Variants in PRKG1 observed in about 807,000 individuals in gnomAD.
PRKG1 encodes the protein protein kinase cGMP-dependent 1.
In PRKG1, 35 loss-of-function variants were observed where a neutral mutation model predicts 88.1. The ratio of observed to expected loss-of-function variants is 0.40; its 90% CI spans 0.30 to 0.53. The LOEUF (loss-of-function observed/expected upper bound fraction) is 0.53. PRKG1 is among the 20% of genes least tolerant of loss of function. The probability of loss-of-function intolerance (pLI) is 0.59; values close to 1 mark genes in which losing one functional copy is unlikely to be tolerated. For synonymous variants in PRKG1, 303 were observed against 292.5 expected (o/e 1.04, Z -0.37); for missense variants, 540 against 839.8 (o/e 0.64, Z 4.41).
intron 4 of PRKG1, among the ~76,000 whole-genome samples, chr10:51,850,186 A>T (rs540441399): frequency 1.2e-4 from 19 of 152,212 alleles, no homozygotes; most frequent in Non-Finnish European, 2.4e-4. Context: ...CAATATATAT[A>T]TTTTTTTGAG....
chr10:51,827,997 A>G (rs1269251907), intron 4 of PRKG1, among the ~76,000 whole-genome samples: 1 of 152,182 alleles, frequency 6.6e-6, no homozygotes, highest in Non-Finnish European at 1.5e-5. Flanking sequence ...ACTGTGGACA[A>G]CTACTTTTCA....
intron 2 of PRKG1, among the ~76,000 whole-genome samples, chr10:51,279,134 C>T (rs1840218728): frequency 6.6e-6 from 1 of 152,150 alleles, no homozygotes; most frequent in African/African-American, 2.4e-5. Context: ...AAATGTGCCC[C>T]AGAGATTCTG....
At chr10:51,615,983 T>C (rs925395910) in intron 3 of PRKG1, among the ~76,000 whole-genome samples, 7 of 152,170 alleles carry the variant, frequency 4.6e-5, no homozygotes, top group African/African-American at 1.7e-4. Flanking sequence ...GGGCAGGACT[T>C]TTTCCTGAAA....
At chr10:52,104,685 T>C (rs558512700) in intron 7 of PRKG1, among the ~76,000 whole-genome samples, 38 of 152,328 alleles carry the variant, frequency 2.5e-4, no homozygotes, top group African/African-American at 8.7e-4. Context: ...TAAAAGATTT[T>C]CTGTCTTTAA....
At chr10:52,022,293 G>A (rs1407254665) in intron 5 of PRKG1, among the ~76,000 whole-genome samples, 2 of 152,248 alleles carry the variant, frequency 1.3e-5, no homozygotes, top group South Asian at 2.1e-4. Flanking sequence ...AACTTTTGTT[G>A]GGTTTCTTGG....
intron 2 of PRKG1, among the ~76,000 whole-genome samples, chr10:51,404,133 C>T (rs1454057436): frequency 3.3e-5 from 5 of 152,142 alleles, no homozygotes; most frequent in Admixed American, 2.6e-4. Flanking sequence ...TAGGAACGGC[C>T]CTGTAAGCAA....
intron 5 of PRKG1, among the ~76,000 whole-genome samples, chr10:51,964,710 T>A (rs1843526970): frequency 6.6e-6 from 1 of 152,174 alleles, no homozygotes; most frequent in South Asian, 2.1e-4. Context: ...AAAACTGAAC[T>A]GAAAAACCTT....
intron 7 of PRKG1, among the ~76,000 whole-genome samples, chr10:52,070,276 C>A (rs1185436163): frequency 6.6e-6 from 1 of 152,182 alleles, no homozygotes; most frequent in Non-Finnish European, 1.5e-5. Flanking sequence ...CTTGCCTACA[C>A]ATGAGTGAAT....
chr10:51,143,103 A>G (rs549574912), intron 1 of PRKG1, among the ~76,000 whole-genome samples: 1 of 152,200 alleles, frequency 6.6e-6, no homozygotes, highest in African/African-American at 2.4e-5. Flanking sequence ...GTAATTATGT[A>G]AACTGTGACC....
At chr10:51,661,188 A>G (rs1237397230) in intron 3 of PRKG1, among the ~76,000 whole-genome samples, 5 of 152,138 alleles carry the variant, frequency 3.3e-5, no homozygotes, top group African/African-American at 1.2e-4. Flanking sequence ...TTGGCACTCA[A>G]TAAATACCAC....
At chr10:51,259,242 T>A (rs999262380) in intron 2 of PRKG1, among the ~76,000 whole-genome samples, 2 of 152,222 alleles carry the variant, frequency 1.3e-5, no homozygotes, top group Non-Finnish European at 2.9e-5. Context: ...ACCTAAAGCT[T>A]TCATGAGAAT....
At chr10:51,664,659 A>G (rs1840379984) in intron 3 of PRKG1, among the ~76,000 whole-genome samples, 1 of 152,140 alleles carries the variant, frequency 6.6e-6, no homozygotes, top group African/African-American at 2.4e-5. Context: ...CTCTTTGAAA[A>G]TGGTTCTGGT....
intron 3 of PRKG1, among the ~76,000 whole-genome samples, chr10:51,577,700 A>G (rs1273136600): frequency 1.3e-5 from 2 of 152,092 alleles, no homozygotes; most frequent in African/African-American, 4.8e-5. Flanking sequence ...AAACAAAAGC[A>G]TTCAAAACCT....
intron 1 of PRKG1, among the ~76,000 whole-genome samples, chr10:51,107,274 G>A (rs1181130143): frequency 1.3e-5 from 2 of 152,116 alleles, no homozygotes; most frequent in Non-Finnish European, 2.9e-5. Context: ...CAGCTCTCGT[G>A]AGGCTAGGTA....
At chr10:52,223,495 C>G (rs1840303378) in intron 9 of PRKG1, among the ~76,000 whole-genome samples, 1 of 152,106 alleles carries the variant, frequency 6.6e-6, no homozygotes, top group Non-Finnish European at 1.5e-5. Context: ...TCCAATAGTT[C>G]TATGTCGGCA....
At chr10:51,760,645 T>C (rs1589264848) in intron 3 of PRKG1, among the ~76,000 whole-genome samples, 1 of 152,078 alleles carries the variant, frequency 6.6e-6, no homozygotes, top group East Asian at 2.0e-4. Flanking sequence ...CTAATTTTTA[T>C]ATTTTTAGTA....
At chr10:51,021,872 G>C (rs1843141916) in intron 1 of PRKG1, among the ~76,000 whole-genome samples, 1 of 151,866 alleles carries the variant, frequency 6.6e-6, no homozygotes. Context: ...GTAGAGATGG[G>C]GTTTCACCAT....
chr10:51,883,359 T>G (rs1464583919), intron 4 of PRKG1, among the ~76,000 whole-genome samples: 2 of 152,374 alleles, frequency 1.3e-5, no homozygotes, highest in African/African-American at 4.8e-5. Context: ...TGTCTTTGTC[T>G]CTCAGTCTGT....
intron 4 of PRKG1, among the ~76,000 whole-genome samples, chr10:51,832,423 A>G (rs1287709449): frequency 1.3e-5 from 2 of 152,190 alleles, no homozygotes; most frequent in African/African-American, 2.4e-5. Flanking sequence ...AAGACAGCAA[A>G]TATTTTAGGC....
Sources: gnomAD v4.1 joint callset for allele counts (sites outside exome capture counted in the v4.1 genomes callset) on GRCh38, gnomAD v4.1.1 for gene constraint, MANE v1.5 for transcripts, NCBI Gene and HGNC (gene_info 2026-07-23, HGNC 2026-07-21) for gene names.